FBXO42: variants seen among roughly 807,000 people sequenced by gnomAD.
The protein encoded by FBXO42 is F-box protein 42, also known as F-box only protein 42.
Under a neutral mutation model 71.7 loss-of-function variants are expected in FBXO42, and 12 were observed. The ratio of observed to expected loss-of-function variants is 0.17; its 90% CI spans 0.11 to 0.27. The LOEUF (loss-of-function observed/expected upper bound fraction) is 0.27. Ranked by LOEUF, FBXO42 falls within the 10% of genes least tolerant of loss-of-function variation. FBXO42 has a pLI of 1.00. For missense variants in FBXO42, 707 were observed against 911.9 expected (o/e 0.78, Z 2.89); for synonymous variants, 325 against 327.5 (o/e 0.99, Z 0.08).
chr1:16,323,222 G>C (rs536651677), intron 1 of FBXO42, among the ~76,000 whole-genome samples: 1 of 150,998 alleles, frequency 6.6e-6, no homozygotes, highest in Non-Finnish European at 1.5e-5. Context: ...TTTGAGACCA[G>C]CCTGGCCAAC....
chr1:16,253,373 C>A, intron 7 of FBXO42: 1 of 593,882 alleles, frequency 1.7e-6, no homozygotes, highest in Non-Finnish European at 3.0e-6. Flanking sequence ...CAAATATTAA[C>A]ATGAATGTCA....
intron 4 of FBXO42, among the ~76,000 whole-genome samples, chr1:16,272,812 C>A (rs576662597): frequency 6.6e-6 from 1 of 152,232 alleles, no homozygotes; most frequent in East Asian, 1.9e-4. Context: ...AGCCTTTACA[C>A]GAACAATGGC....
chr1:16,326,624 C>CAGTGAGCCA (rs1199259646), intron 1 of FBXO42, among the ~76,000 whole-genome samples: 97 of 147,086 alleles, frequency 6.6e-4, no homozygotes, highest in African/African-American at 2.4e-3. Context: ...GTAGAGGTTG[C>CAGTGAGCCA]AGTGAGCCAA....
intron 3 of FBXO42, among the ~76,000 whole-genome samples, 177 bp from the exon 4 acceptor site, chr1:16,295,094 C>G (rs551443617): frequency 1.4e-4 from 21 of 152,278 alleles, no homozygotes; most frequent in Admixed American, 1.2e-3. Context: ...CCCTTTAAAA[C>G]AAGGTCCAGA....
chr1:16,260,370 G>A (rs1033131959), intron 4 of FBXO42, among the ~76,000 whole-genome samples: 1 of 151,910 alleles, frequency 6.6e-6, no homozygotes. Context: ...TGCCACGCCC[G>A]GCTAATTTTT....
intron 2 of FBXO42, among the ~76,000 whole-genome samples, chr1:16,313,037 C>T (rs1013360948): frequency 1.3e-5 from 2 of 151,960 alleles, no homozygotes; most frequent in African/African-American, 4.8e-5. Flanking sequence ...TCAGGCGATC[C>T]GCCCACGTTG....
chr1:16,301,116 C>T (rs1474977386), intron 3 of FBXO42, among the ~76,000 whole-genome samples: 1 of 151,964 alleles, frequency 6.6e-6, no homozygotes, highest in Non-Finnish European at 1.5e-5. Context: ...CCAGGCTGGT[C>T]TCCAACTCCT....
intron 4 of FBXO42, among the ~76,000 whole-genome samples, chr1:16,282,536 T>TAA (rs1557583090): frequency 2.2e-5 from 2 of 88,902 alleles, no homozygotes; most frequent in African/African-American, 6.0e-5. Flanking sequence ...ATTTTCTCTT[T>TAA]TAAAAAAAAA....
intron 1 of FBXO42, among the ~76,000 whole-genome samples, chr1:16,350,687 CAG>C (rs1166387266): frequency 7.4e-6 from 1 of 135,468 alleles, no homozygotes; most frequent in African/African-American, 2.8e-5. Context: ...ATGGAGATTG[CAG>C]AGAGCCGAGA....
chr1:16,251,592 A>G lies in FBXO42; in HGVS notation c.1232T>C (p.Leu411Pro). Reference protein sequence around the residue: ...APCVNGRWGTLRPRAQRQTPS... With the variant: ...APCVNGRWGTPRPRAQRQTPS... Reference sequence around the variant, plus strand: ...AGTCTGCCTTTGAGCCCTGGGTCTCAGTGTTCCCCAGCGGCCGTTAACACA... The same window carrying G: ...AGTCTGCCTTTGAGCCCTGGGTCTCGGTGTTCCCCAGCGGCCGTTAACACA... Residue 411 changes from leucine (L) to proline (P), a missense_variant, in exon 10 of 10, where the codon CTG becomes CCG. Transcript: ENST00000375592. The surrounding 1 kb of genome is among the most constrained non-coding windows in gnomAD (Gnocchi z 4.5). The G allele has an allele frequency of 6.2e-7, 1 of 1,614,186 alleles. No homozygotes were observed. The highest frequency in any genetic ancestry group is 8.5e-7 in the Non-Finnish European group (1 of 1,180,024).
rs527475077 is a variant in FBXO42 at position 16,250,474 on chromosome 1, A to AAT, written c.*194_*195dup. On this transcript the variant is annotated 3_prime_UTR_variant, in exon 10 of 10. Coordinates refer to ENST00000375592, the MANE Select transcript of FBXO42 (RefSeq NM_018994.3). The surrounding 1 kb of genome is among the most constrained non-coding windows in gnomAD (Gnocchi z 4.7). Reference sequence around the variant, plus strand: ...TTTTTGTCAACAGAGTTGGCTATATAATATATATATATATATTTATATATA... The same window carrying AAT: ...TTTTTGTCAACAGAGTTGGCTATATAATATATATATATATATATTTATATATA... 4.8e-3 allele frequency: 807 copies of AAT among 167,706 alleles called. 3 individuals carry two copies. The highest frequency in any genetic ancestry group is 8.3e-3 in the Middle Eastern group (3 of 360). 10.4% of individuals were successfully genotyped at this position (167,706 alleles called of 1,614,324 possible). A position where few individuals can be genotyped will look rare whatever the true frequency, so the allele number is the denominator to read the frequency against.
chr1:16,298,026 G>A (rs1365378321), intron 3 of FBXO42, among the ~76,000 whole-genome samples: 1 of 152,096 alleles, frequency 6.6e-6, no homozygotes, highest in Non-Finnish European at 1.5e-5. Flanking sequence ...AGGAGTTCGA[G>A]TCCAGCCTGG....
chr1:16,250,827 T>C lies in FBXO42; in HGVS notation c.1997A>G (p.Asn666Ser), dbSNP rs745517660. Residue 666 changes from asparagine to serine, a missense_variant, in exon 10 of 10, where the codon AAT becomes AGT. Coordinates refer to ENST00000375592, the MANE Select transcript of FBXO42 (RefSeq NM_018994.3). The surrounding 1 kb of genome is among the most constrained non-coding windows in gnomAD (Gnocchi z 4.7). ...EKGRVKWKVF[N>S]SSSVVGPPET... ...AGGAGGTCCAACCACAGAACTGCTA[T>C]TAAATACTTTCCATTTGACCCGCCC... is the stretch of plus-strand genomic sequence containing the variant. 5.6e-6 allele frequency: 9 copies of C among 1,614,186 alleles called. No homozygotes were observed. Among genetic ancestry groups the C allele is most frequent in the Middle Eastern group, 3.3e-4 (2 of 6,062 alleles).
chr1:16,257,140 A>G (rs2081655354), intron 4 of FBXO42, among the ~76,000 whole-genome samples: 1 of 152,222 alleles, frequency 6.6e-6, no homozygotes, highest in Non-Finnish European at 1.5e-5. Flanking sequence ...ACCCCTTCCC[A>G]TCCCTTTAAC....
chr1:16,346,288 G>C (rs1365399479), intron 1 of FBXO42, among the ~76,000 whole-genome samples: 2 of 152,060 alleles, frequency 1.3e-5, no homozygotes, highest in Non-Finnish European at 1.5e-5. Context: ...TAAAACAACT[G>C]AAAGTATCCT....
At chr1:16,315,137 C>A in intron 2 of FBXO42, 32 bp downstream of exon 2, 2 of 1,553,080 alleles carry the variant, frequency 1.3e-6, no homozygotes, top group Non-Finnish European at 1.7e-6. Flanking sequence ...AATTTGAAAT[C>A]AATAAATAAA....
At chr1:16,254,359 A>G (rs940247681) in intron 6 of FBXO42, among the ~76,000 whole-genome samples, 1 of 152,388 alleles carries the variant, frequency 6.6e-6, no homozygotes, top group Non-Finnish European at 1.5e-5. Context: ...AGGCAGCTTC[A>G]TCATTGTCCA....
chr1:16,348,657 C>A (rs527519564), intron 1 of FBXO42, among the ~76,000 whole-genome samples: 1 of 152,140 alleles, frequency 6.6e-6, no homozygotes, highest in Non-Finnish European at 1.5e-5. Context: ...GCAGAGATTG[C>A]GCCACTGCAC....
chr1:16,333,054 C>G (rs1302704219), intron 1 of FBXO42, among the ~76,000 whole-genome samples: 1 of 152,134 alleles, frequency 6.6e-6, no homozygotes, highest in Non-Finnish European at 1.5e-5. Context: ...ATACCGTACT[C>G]CTACTTGCCA....
Sources: allele counts gnomAD v4.1 joint callset (sites outside exome capture counted in the v4.1 genomes callset), GRCh38; gene constraint gnomAD v4.1.1; non-coding constraint Gnocchi (gnomAD v3.1); transcripts MANE v1.5; gene names NCBI Gene and HGNC (gene_info 2026-07-23, HGNC 2026-07-21).